TLN2: variants seen among roughly 807,000 people sequenced by gnomAD.
TLN2 encodes the protein talin-2.
Under a neutral mutation model 294.7 loss-of-function variants are expected in TLN2, and 118 were observed. That is an observed-to-expected ratio of 0.40 (90% confidence interval 0.34 to 0.47). The LOEUF (loss-of-function observed/expected upper bound fraction) is 0.47. Among genes scored for constraint, TLN2 ranks in the 20% least tolerant of loss-of-function variants. TLN2 has a pLI of 0.84. For synonymous variants in TLN2, 1,431 were observed against 1,304.5 expected (o/e 1.10, Z -2.09); for missense variants, 3,083 against 3,282.2 (o/e 0.94, Z 1.48).
At chr15:62,706,568 C>T (rs2059085020) in intron 19 of TLN2, among the ~76,000 whole-genome samples, 1 of 152,224 alleles carries the variant, frequency 6.6e-6, no homozygotes, top group African/African-American at 2.4e-5. Flanking sequence ...AAATGTTGCC[C>T]TCTGGAGGTA....
intron 1 of TLN2, among the ~76,000 whole-genome samples, chr15:62,431,159 G>A (rs1038813736): frequency 1.3e-5 from 2 of 152,156 alleles, no homozygotes; most frequent in African/African-American, 4.8e-5. Flanking sequence ...CAGGGTTTAA[G>A]CAGAGGACTC....
intron 1 of TLN2, among the ~76,000 whole-genome samples, chr15:62,422,999 T>C (rs1190266222): frequency 1.3e-5 from 2 of 152,246 alleles, no homozygotes; most frequent in African/African-American, 4.8e-5. Context: ...CTGCATGGTC[T>C]GCACAGTGTA....
intron 30 of TLN2, 126 bp downstream of exon 30, chr15:62,738,459 C>G (rs946106142): frequency 7.8e-7 from 1 of 1,275,818 alleles, no homozygotes; most frequent in African/African-American, 1.5e-5. Context: ...CTGTTTTTCC[C>G]GCCAGTCTTT....
At chr15:62,483,329 C>T (rs2038208994) in intron 1 of TLN2, among the ~76,000 whole-genome samples, 1 of 152,204 alleles carries the variant, frequency 6.6e-6, no homozygotes, top group East Asian at 1.9e-4. Flanking sequence ...GACCTGGCTA[C>T]CCACCACAGG....
At chr15:62,395,556 G>A (rs986633038) in intron 1 of TLN2, among the ~76,000 whole-genome samples, 37 of 152,136 alleles carry the variant, frequency 2.4e-4, no homozygotes, top group African/African-American at 8.9e-4. Flanking sequence ...TGGAGCACAC[G>A]TGCCATGTGA....
At chr15:62,767,178 T>G (rs1006382202) in intron 41 of TLN2, among the ~76,000 whole-genome samples, 5 of 152,094 alleles carry the variant, frequency 3.3e-5, no homozygotes, top group Non-Finnish European at 7.4e-5. Flanking sequence ...TTTTAGAAAA[T>G]CAATATTCTT....
intron 27 of TLN2, among the ~76,000 whole-genome samples, chr15:62,725,810 C>T (rs1453546274): frequency 2.0e-5 from 3 of 152,108 alleles, no homozygotes; most frequent in African/African-American, 2.4e-5. Flanking sequence ...GGAGCCAAAC[C>T]ACGGTTTGAA....
intron 12 of TLN2, among the ~76,000 whole-genome samples, chr15:62,689,588 G>GT (rs1268528446): frequency 6.6e-6 from 1 of 151,766 alleles, no homozygotes; most frequent in Non-Finnish European, 1.5e-5. Flanking sequence ...TTGACTTTGT[G>GT]TTTTTTTCCT....
chr15:62,613,561 G>T (rs1227789688), intron 2 of TLN2, among the ~76,000 whole-genome samples: 2 of 152,154 alleles, frequency 1.3e-5, no homozygotes, highest in Non-Finnish European at 2.9e-5. Flanking sequence ...GTGTCCCAGC[G>T]ATTCTACTTG....
chr15:62,632,489 T>G (rs4775522), intron 3 of TLN2, among the ~76,000 whole-genome samples: 143,032 of 152,202 alleles, frequency 0.94, 67,249 homozygotes, highest in East Asian at 1. Flanking sequence ...CCCCGAGCCC[T>G]GTGGAAGCTC....
intron 1 of TLN2, among the ~76,000 whole-genome samples, chr15:62,550,976 TCAGTGGGAGCCCTGAGC>T (rs2042263097): frequency 2.0e-5 from 3 of 152,162 alleles, no homozygotes; most frequent in Non-Finnish European, 2.9e-5. Context: ...TAATGTAGAA[TCAGTGGGAGCCCTGAGC>T]TTGTTTTCCT....
intron 40 of TLN2, 132 bp downstream of exon 40, chr15:62,763,827 T>C: frequency 7.5e-7 from 1 of 1,327,916 alleles, no homozygotes. Context: ...TAGACAGCCA[T>C]TCTCTGTGGA....
intron 28 of TLN2, among the ~76,000 whole-genome samples, chr15:62,733,469 G>A (rs2060839721): frequency 6.6e-6 from 1 of 152,174 alleles, no homozygotes; most frequent in African/African-American, 2.4e-5. Context: ...GTATTCTAAT[G>A]CAAGTGTGTT....
intron 3 of TLN2, chr15:62,644,639 G>T (rs1003063797): frequency 2.2e-6 from 1 of 455,366 alleles, no homozygotes; most frequent in Admixed American, 2.4e-5. Flanking sequence ...TGCACCTTGC[G>T]GACCCCGCAG....
At chr15:62,702,424 G>T (rs931595102) in intron 18 of TLN2, among the ~76,000 whole-genome samples, 16 of 152,218 alleles carry the variant, frequency 1.1e-4, no homozygotes, top group African/African-American at 3.4e-4. Flanking sequence ...TACTTGAGTA[G>T]ATGCAGCTAC....
chr15:62,440,480 A>C (rs2035492689), intron 1 of TLN2, among the ~76,000 whole-genome samples: 2 of 152,152 alleles, frequency 1.3e-5, no homozygotes, highest in South Asian at 2.1e-4. Context: ...AATACAACCA[A>C]ATGGCAGAGC....
intron 2 of TLN2, among the ~76,000 whole-genome samples, chr15:62,596,884 G>A (rs533271707): frequency 3.9e-5 from 6 of 152,268 alleles, no homozygotes; most frequent in Non-Finnish European, 8.8e-5. Flanking sequence ...ACTTCTTAGA[G>A]CAACTACTTT....
chr15:62,802,031 C>G (rs554871417), intron 50 of TLN2, among the ~76,000 whole-genome samples: 7 of 152,252 alleles, frequency 4.6e-5, no homozygotes, highest in African/African-American at 1.7e-4. Flanking sequence ...ACCCACTGTG[C>G]TATCAAATAC....
At chr15:62,706,381 G>T (rs180867707) in intron 19 of TLN2, among the ~76,000 whole-genome samples, 1 of 152,334 alleles carries the variant, frequency 6.6e-6, no homozygotes, top group East Asian at 1.9e-4. Flanking sequence ...CTAGCTCCTC[G>T]CATTTTCAGT....
Sources: allele counts gnomAD v4.1 joint callset (sites outside exome capture counted in the v4.1 genomes callset), GRCh38; gene constraint gnomAD v4.1.1; transcripts MANE v1.5; gene names NCBI Gene and HGNC (gene_info 2026-07-23, HGNC 2026-07-21).